The following TM9SF3 variants were observed in gnomAD, a reference collection of about 807,000 sequenced individuals.
The protein encoded by TM9SF3 is SM-11044-binding protein.
In TM9SF3, 14 loss-of-function variants were observed where a neutral mutation model predicts 78.6. The observed-to-expected ratio is 0.18, with a 90% CI of 0.12 to 0.28. The LOEUF (loss-of-function observed/expected upper bound fraction) is 0.28, where lower values mean the gene tolerates loss of function less well. Ranked by LOEUF, TM9SF3 falls within the 10% of genes least tolerant of loss-of-function variation. The probability of loss-of-function intolerance (pLI) is 1.00; values close to 1 mark genes in which losing one functional copy is unlikely to be tolerated. For synonymous variants in TM9SF3, 231 were observed against 241.7 expected, an observed-to-expected ratio of 0.96 and a Z score of 0.41; for missense variants, 496 against 721.9, an observed-to-expected ratio of 0.69 and a Z score of 3.59.
At chr10:96,556,279 C>T (rs180781090) in intron 5 of TM9SF3, among the ~76,000 whole-genome samples, 114 of 152,222 alleles carry the variant, frequency 7.5e-4, no homozygotes, top group African/African-American at 2.6e-3. Flanking sequence ...ATAACTATAC[C>T]AACAATACTG....
At chr10:96,565,564 A>T in intron 2 of TM9SF3, 138 bp from the exon 3 acceptor site, 1 of 981,110 alleles carries the variant, frequency 1.0e-6, no homozygotes, top group Non-Finnish European at 1.4e-6. Context: ...GTGATAAATA[A>T]GTGTGGGTTC....
At chr10:96,566,890 C>A (rs1308082547) in intron 2 of TM9SF3, among the ~76,000 whole-genome samples, 1 of 152,120 alleles carries the variant, frequency 6.6e-6, no homozygotes, top group Admixed American at 6.6e-5. Context: ...ATATTCAGAA[C>A]CAAAGGAAGG....
intron 2 of TM9SF3, among the ~76,000 whole-genome samples, chr10:96,567,084 CT>C (rs5787198): frequency 1.2e-4 from 15 of 124,812 alleles, no homozygotes; most frequent in Admixed American, 1.8e-4. Context: ...TGTATAAAGC[CT>C]TTTTTTTTTT....
chr10:96,559,625 A>G, intron 5 of TM9SF3, 34 bp downstream of exon 5: 1 of 1,461,402 alleles, frequency 6.8e-7, no homozygotes, highest in Middle Eastern at 1.8e-4. Context: ...ATTGGTGCAC[A>G]TAATCAATGT....
intron 7 of TM9SF3, 118 bp downstream of exon 7, chr10:96,551,127 T>C: frequency 1.1e-6 from 1 of 882,838 alleles, no homozygotes. Context: ...ATATTTATCA[T>C]AAACTGTAAG....
At chr10:96,565,102 G>A (rs1284026478) in intron 3 of TM9SF3, among the ~76,000 whole-genome samples, 9 of 152,024 alleles carry the variant, frequency 5.9e-5, no homozygotes, top group Admixed American at 5.2e-4. Context: ...TATATTTTAG[G>A]CAAGTTTCAT....
rs1253481025 is a variant in TM9SF3, at chr10:96,528,110, G to A, written c.1462C>T (p.Leu488=). 6.2e-7 allele frequency: 1 copy of A among 1,612,774 alleles called. No individual in the cohort carries two copies. Among genetic ancestry groups the A allele is most frequent in the Non-Finnish European group, 8.5e-7 (1 of 1,179,158 alleles). The part of the protein sequence containing the change: ...YYVYGFMMLV[L]VILCIVTVCV... ...ACAGTCACAATGCACAGGATAACCA[G>A]CACCAGCATCATGAAGCCATAGACA... The change falls in exon 12 of 15, where the codon CTG becomes TTG. Residue 488 remains leucine (L), a synonymous_variant. Transcript: ENST00000371142.
At chr10:96,545,202 T>C (rs1258769070) in intron 8 of TM9SF3, among the ~76,000 whole-genome samples, 2 of 152,186 alleles carry the variant, frequency 1.3e-5, no homozygotes, top group South Asian at 2.1e-4. Flanking sequence ...GCAGAAAATA[T>C]CTTCAAACAG....
At position 96,538,962 on chromosome 10, in the gene TM9SF3, T is replaced by C. The variant is rs117278436; in HGVS notation, c.1185+5114A>G. ...TATTTTGGAAAAGTTTAGCAGTTTC[T>C]TGAAAACTTAAACTACCATATGACC... On this transcript the variant is annotated intron_variant, in intron 9 of 14. Coordinates refer to ENST00000371142, the MANE Select transcript of TM9SF3 (RefSeq NM_020123.4). 4.9e-3 allele frequency among the ~76,000 whole-genome samples: 754 copies of C among 152,346 alleles called. 6 individuals carry two copies. Among genetic ancestry groups the C allele is most frequent in the Middle Eastern group, 0.014 (4 of 294 alleles).
intron 1 of TM9SF3, among the ~76,000 whole-genome samples, chr10:96,580,719 C>A (rs61858556): frequency 0.11 from 16,552 of 152,142 alleles, 1,041 homozygotes; most frequent in Non-Finnish European, 0.15. Context: ...ATGACATGAT[C>A]TCACCATTTT....
chr10:96,576,778 G>C lies in TM9SF3; in HGVS notation c.154C>G (p.His52Asp), dbSNP rs1848501927. 6.2e-7 allele frequency: 1 copy of C among 1,600,700 alleles called. No homozygotes were observed. Among genetic ancestry groups the C allele is most frequent in the African/African-American group, 1.4e-5 (1 of 73,762 alleles). The change falls in exon 2 of 15, where the codon CAT becomes GAT. Residue 52 changes from histidine (H) to aspartate (D), a missense_variant. Transcript: ENST00000371142. Reference sequence around the variant, plus strand: ...TACTTATATGTTTCTTGACGATTATGGTAGGGCCCAACAGTATTCATCCAT... The same window carrying C: ...TACTTATATGTTTCTTGACGATTATCGTAGGGCCCAACAGTATTCATCCAT... ...VLWMNTVGPY[H>D]NRQETYKYFS... is the part of the protein sequence containing the mutation.
In TM9SF3 at chr10:96,586,958, C is replaced by T; in HGVS notation, c.-123G>A. 1 of 757,922 alleles carries T rather than the reference C, an allele frequency of 1.3e-6. No individual in the cohort carries two copies. Among genetic ancestry groups the T allele is most frequent in the Non-Finnish European group, 1.7e-6 (1 of 587,324 alleles). 46.9% of individuals were successfully genotyped at this position (757,922 alleles called of 1,614,324 possible). A position where few individuals can be genotyped will look rare whatever the true frequency, so the allele number is the denominator to read the frequency against. ...ACGGGGCGCGGACAGACGCACGGGG[C>T]CCGGCCCAGCCGCTGCCTCCTCTGC... On this transcript the variant is annotated 5_prime_UTR_variant, in exon 1 of 15. Coordinates refer to ENST00000371142, the MANE Select transcript of TM9SF3 (RefSeq NM_020123.4).
In TM9SF3 at chr10:96,559,678, G is replaced by T; in HGVS notation, c.641C>A (p.Pro214Gln). The T allele has an allele frequency of 1.3e-6, 2 of 1,590,894 alleles. No individual in the cohort carries two copies. Among genetic ancestry groups the T allele is most frequent in the Non-Finnish European group, 8.6e-7 (1 of 1,165,712 alleles). Reference sequence around the variant, plus strand: ...ACCTACCCGATGTTGAAAAAAGGACGGATCAAGATATTTGTCAAATCGATC... The same window carrying T: ...ACCTACCCGATGTTGAAAAAAGGACTGATCAAGATATTTGTCAAATCGATC... ...FEDRFDKYLD[P>Q]SFFQHRIHWF... The change falls in exon 5 of 15, where the codon CCG (proline) becomes CAG (glutamine). Residue 214 changes from proline (P) to glutamine (Q), a missense_variant. By Grantham distance (76) the Pro-to-Gln change is moderately conservative. Coordinates refer to ENST00000371142, the MANE Select transcript of TM9SF3 (RefSeq NM_020123.4).
chr10:96,540,769 C>CTTTTTTTTTTTT (rs68126103), intron 9 of TM9SF3, among the ~76,000 whole-genome samples: 3 of 51,308 alleles, frequency 5.8e-5, no homozygotes, highest in African/African-American at 8.2e-5. Flanking sequence ...TATTACCTTT[C>CTTTTTTTTTTTT]TTTTTTTTTT....
chr10:96,534,470 T>C (rs1847932557), intron 9 of TM9SF3, among the ~76,000 whole-genome samples: 1 of 151,858 alleles, frequency 6.6e-6, no homozygotes, highest in African/African-American at 2.4e-5. Context: ...TGGGGAGTGA[T>C]AAATTCCATC....
intron 2 of TM9SF3, among the ~76,000 whole-genome samples, chr10:96,575,764 TC>T (rs1416821771): frequency 6.7e-6 from 1 of 148,954 alleles, no homozygotes. Context: ...AATCCAAAGC[TC>T]CTGTTTACAG....
At chr10:96,576,023 C>T (rs967717246) in intron 2 of TM9SF3, among the ~76,000 whole-genome samples, 1 of 152,130 alleles carries the variant, frequency 6.6e-6, no homozygotes, top group Non-Finnish European at 1.5e-5. Context: ...ATTTAAATAT[C>T]CTATAGGTAT....
intron 3 of TM9SF3, among the ~76,000 whole-genome samples, chr10:96,562,861 T>C (rs542526127): frequency 6.4e-4 from 98 of 152,336 alleles, no homozygotes; most frequent in Non-Finnish European, 9.3e-4. Context: ...ATTTGTCCAA[T>C]GTTCCCCACC....
At chr10:96,568,555 G>C (rs1848404101) in intron 2 of TM9SF3, among the ~76,000 whole-genome samples, 1 of 152,178 alleles carries the variant, frequency 6.6e-6, no homozygotes, top group African/African-American at 2.4e-5. Context: ...GCTAACAATT[G>C]AATAGGCAGT....
Sources: allele counts gnomAD v4.1 joint callset (sites outside exome capture counted in the v4.1 genomes callset), GRCh38; gene constraint gnomAD v4.1.1; transcripts MANE v1.5; gene names NCBI Gene and HGNC (gene_info 2026-07-23, HGNC 2026-07-21).